Variants in RGN observed in about 807,000 individuals in gnomAD.
RGN encodes the protein regucalcin.
RGN carries 19 observed loss-of-function variants against 20.6 expected under a neutral mutation model. That is an observed-to-expected ratio of 0.92 (90% CI 0.64 to 1.35). RGN has a LOEUF of 1.35. RGN is among the 40% of genes most tolerant of loss of function. The pLI is 0.00. For missense variants in RGN, 302 were observed against 232.7 expected, an observed-to-expected ratio of 1.30 and a Z score of -1.94; for synonymous variants, 85 against 87.2, an observed-to-expected ratio of 0.97 and a Z score of 0.14.
chrX:47,089,333 A>G (rs1377322324), intron 4 of RGN, among the ~76,000 whole-genome samples: 1 of 31,921 alleles, frequency 3.1e-5, no homozygotes, highest in Non-Finnish European at 8.1e-5. Context: ...ATGCAAGATA[A>G]TTGTCATTTT....
chrX:47,080,003 G>T (rs1480136630), intron 1 of RGN, among the ~76,000 whole-genome samples: 1 of 110,848 alleles, frequency 9.0e-6, no homozygotes, highest in Non-Finnish European at 1.9e-5. Flanking sequence ...CCCACCTCAG[G>T]CTCCCGAGTA....
At chrX:47,092,278 A>T in intron 7 of RGN, 63 bp downstream of exon 7, 8 of 946,080 alleles carry the variant, frequency 8.5e-6, no homozygotes, top group Non-Finnish European at 1.2e-5. Context: ...GGGGTAAGTA[A>T]CTGAGTGATT....
At chrX:47,088,049 A>G (rs372615968) in intron 4 of RGN, among the ~76,000 whole-genome samples, 1 of 102,568 alleles carries the variant, frequency 9.7e-6, no homozygotes, top group African/African-American at 3.5e-5. Context: ...ACTAGTATAT[A>G]CCTGTTAGGT....
At chrX:47,088,806 A>G (rs1420015323) in intron 4 of RGN, among the ~76,000 whole-genome samples, 1 of 105,060 alleles carries the variant, frequency 9.5e-6, no homozygotes, top group Admixed American at 1.1e-4. Context: ...ATGGTGGCTT[A>G]CTCCCATAGT....
rs1556388013 is a variant in RGN, at chrX:47,091,820, A to C, written c.694+11A>C. 8.3e-7 allele frequency: 1 copy of C among 1,201,711 alleles called. No individual in the cohort carries two copies. The highest frequency in any genetic ancestry group is 2.3e-5 in the Admixed American group (1 of 43,384). ...TAGATCCTGTGACAGGTAGGCCTGC[A>C]GCAAAATGAAAAATCCTTGTCATGG... On this transcript the variant is annotated intron_variant, in intron 6 of 7. Coordinates refer to ENST00000397180, the MANE Select transcript of RGN (RefSeq NM_152869.4).
chrX:47,090,866 A>AAAAG (rs782781609), intron 5 of RGN, among the ~76,000 whole-genome samples: 7 of 89,975 alleles, frequency 7.8e-5, no homozygotes, highest in Non-Finnish European at 1.1e-4. Context: ...TGTCAAAAAA[A>AAAAG]AAAGAAAGAA....
At chrX:47,082,487 A>AT (rs1328656887) in intron 3 of RGN, among the ~76,000 whole-genome samples, 1 of 108,900 alleles carries the variant, frequency 9.2e-6, no homozygotes, top group Non-Finnish European at 1.9e-5. Flanking sequence ...ATTTTTATTT[A>AT]TTTTTTGTAG....
chrX:47,084,405 T>A lies in RGN; in HGVS notation c.164-13T>A. On this transcript the variant is annotated splice_polypyrimidine_tract_variant and intron_variant, in intron 3 of 7. Transcript: ENST00000397180. ...ACTGGTACTGTTTTTTAACTGTTGCTTTACCTCTACAGATGCCCCAGTCAG... is the reference window on the plus strand; with the variant it reads ...ACTGGTACTGTTTTTTAACTGTTGCATTACCTCTACAGATGCCCCAGTCAG... The A allele has an allele frequency of 8.4e-7, 1 of 1,185,109 alleles. No individual in the cohort carries two copies. Among genetic ancestry groups the A allele is most frequent in the Non-Finnish European group, 1.1e-6 (1 of 881,322 alleles).
chrX:47,083,709 G>A (rs782673152), intron 3 of RGN, among the ~76,000 whole-genome samples: 18 of 111,427 alleles, frequency 1.6e-4, no homozygotes, highest in Admixed American at 3.8e-4. Flanking sequence ...TCAGGAGTTC[G>A]AAATCAGCCT....
At chrX:47,083,166 G>A (rs1164399255) in intron 3 of RGN, among the ~76,000 whole-genome samples, 1 of 111,378 alleles carries the variant, frequency 9.0e-6, no homozygotes, top group Non-Finnish European at 1.9e-5. Context: ...TTGGGAGGCT[G>A]AGGTGGGTGG....
chrX:47,091,743 G>T lies in RGN; in HGVS notation c.628G>T (p.Ala210Ser). The stretch of plus-strand genomic sequence containing the variant: ...AATCCCAGATGGAATGTGTATTGAT[G>T]CTGAGGGGAAGCTCTGGGTGGCCTG... ...EQIPDGMCID[A>S]EGKLWVACYN... The change falls in exon 6 of 8, where the codon GCT becomes TCT. Residue 210 changes from alanine (A) to serine (S), a missense_variant. Physicochemically the swap from Ala to Ser is moderately conservative, Grantham distance 99. Transcript: ENST00000397180. 8.3e-7 allele frequency: 1 copy of T among 1,210,375 alleles called. No homozygotes were observed. Among genetic ancestry groups the T allele is most frequent in the Admixed American group, 2.2e-5 (1 of 45,924 alleles).
At position 47,081,152 on chromosome X, in the gene RGN, C is replaced by T. The variant is rs781955408; in HGVS notation, c.8C>T (p.Ser3Phe). 6.6e-6 allele frequency: 8 copies of T among 1,205,030 alleles called. No individual in the cohort carries two copies. Among genetic ancestry groups the T allele is most frequent in the Non-Finnish European group, 9.0e-6 (8 of 891,011 alleles). ...TAGATCTCCCCTGCGACCATGTCTT[C>T]CATTAAGATTGAGTGTGTTTTGCCA... The part of the protein sequence containing the change: MS[S>F]IKIECVLPEN... The change falls in exon 3 of 8, where the codon TCC becomes TTC. Residue 3 changes from serine (S) to phenylalanine (F), a missense_variant. Ser to Phe is a radical substitution (Grantham distance 155, BLOSUM62 -2). Transcript: ENST00000397180.
At position 47,089,983 on chromosome X, in the gene RGN, G is replaced by T; in HGVS notation, c.554G>T (p.Gly185Val). ...VDAFDYDLQT[G>V]QISNRRSVYK... ...GCCTTTGACTATGACCTGCAGACAGGACAGATCTGTATGTATTTTTCATTA... is the reference window on the plus strand; with the variant it reads ...GCCTTTGACTATGACCTGCAGACAGTACAGATCTGTATGTATTTTTCATTA... The change falls in exon 5 of 8, where the codon GGA becomes GTA. Residue 185 changes from glycine to valine, a missense_variant. Physicochemically the swap from Gly to Val is moderately radical, Grantham distance 109 (BLOSUM62 -3). Transcript: ENST00000397180. 3 of 1,169,082 alleles carry T rather than the reference G, an allele frequency of 2.6e-6. No homozygotes were observed. The highest frequency in any genetic ancestry group is 3.5e-6 in the Non-Finnish European group (3 of 863,771).
In RGN at chrX:47,084,451, C is replaced by T. The variant is rs782734775; in HGVS notation, c.197C>T (p.Ser66Leu). The T allele has an allele frequency of 3.3e-6, 4 of 1,204,875 alleles. 1 individual carries two copies. Among genetic ancestry groups the T allele is most frequent in the South Asian group, 3.6e-5 (2 of 55,480 alleles). ...GTCAGCTCCGTGGCTCTTCGCCAGT[C>T]GGGAGGCTATGTTGCCACCATTGGA... is the stretch of plus-strand genomic sequence containing the variant. ...APVSSVALRQ[S>L]GGYVATIGTK... Residue 66 changes from serine (S) to leucine (L), a missense_variant, in exon 4 of 8, where the codon TCG becomes TTG. Ser to Leu is a moderately radical substitution (Grantham distance 145). Coordinates refer to ENST00000397180, the MANE Select transcript of RGN (RefSeq NM_152869.4).
chrX:47,086,314 C>A (rs781905653), intron 4 of RGN, among the ~76,000 whole-genome samples: 1 of 111,480 alleles, frequency 9.0e-6, no homozygotes, highest in South Asian at 3.7e-4. Flanking sequence ...TGTGTCCCCT[C>A]GTTAGTGATT....
At chrX:47,081,935 T>C (rs868947991) in intron 3 of RGN, among the ~76,000 whole-genome samples, 3 of 112,151 alleles carry the variant, frequency 2.7e-5, no homozygotes, top group Non-Finnish European at 5.6e-5. Flanking sequence ...AAAGACCCAG[T>C]TATCTGCCTT....
intron 4 of RGN, among the ~76,000 whole-genome samples, chrX:47,088,204 C>T (rs953864173): frequency 5.6e-5 from 6 of 107,176 alleles, no homozygotes; most frequent in Middle Eastern, 9.4e-3. Flanking sequence ...AAGGTGATCG[C>T]ACCCTGAATA....
intron 3 of RGN, among the ~76,000 whole-genome samples, chrX:47,081,568 G>T (rs1299026017): frequency 3.7e-5 from 4 of 107,910 alleles, no homozygotes; most frequent in African/African-American, 1.4e-4. Context: ...TTTTTGTTGA[G>T]ACAGGGTCTC....
intron 1 of RGN, among the ~76,000 whole-genome samples, chrX:47,079,901 A>G (rs192360768): frequency 1.0e-3 from 113 of 111,300 alleles, no homozygotes; most frequent in African/African-American, 3.3e-3. Flanking sequence ...TTATTTATTT[A>G]GAGACAGGTT....
Sources: allele counts gnomAD v4.1 joint callset (sites outside exome capture counted in the v4.1 genomes callset), GRCh38; gene constraint gnomAD v4.1.1; transcripts MANE v1.5; gene names NCBI Gene and HGNC (gene_info 2026-07-23, HGNC 2026-07-21).